The following PHF2 variants were observed in gnomAD, a reference collection of about 807,000 sequenced individuals.
PHF2 encodes lysine-specific demethylase PHF2.
PHF2 carries 27 observed loss-of-function variants against 120.5 expected under a neutral mutation model. That is an observed-to-expected ratio of 0.22 (90% CI 0.17 to 0.31). The LOEUF (loss-of-function observed/expected upper bound fraction) is 0.31. Among genes scored for constraint, PHF2 ranks in the 10% least tolerant of loss-of-function variants. The probability of loss-of-function intolerance (pLI) is 1.00; values close to 1 mark genes in which losing one functional copy is unlikely to be tolerated. For synonymous variants in PHF2, 568 were observed against 592.5 expected (o/e 0.96, Z 0.60); for missense variants, 1,024 against 1,434.8 (o/e 0.71, Z 4.63).
At chr9:93,600,166 TTG>T (rs1227778429) in intron 1 of PHF2, among the ~76,000 whole-genome samples, 1 of 151,788 alleles carries the variant, frequency 6.6e-6, no homozygotes, top group Non-Finnish European at 1.5e-5. Context: ...TGTGTGCAGT[TTG>T]TGTGCTGTGT....
chr9:93,651,521 G>A (rs904575108), intron 5 of PHF2, among the ~76,000 whole-genome samples: 7 of 152,164 alleles, frequency 4.6e-5, no homozygotes, highest in Non-Finnish European at 1.0e-4. Context: ...CCCCAAGGAT[G>A]TTGGCCAAGC....
intron 17 of PHF2, among the ~76,000 whole-genome samples, chr9:93,669,227 G>A (rs528361266): frequency 1.3e-5 from 2 of 152,314 alleles, no homozygotes; most frequent in South Asian, 2.1e-4. Context: ...GCAGGCCCCC[G>A]CCCTCCAGTC....
chr9:93,606,160 G>C (rs1265916312), intron 1 of PHF2, among the ~76,000 whole-genome samples: 2 of 151,996 alleles, frequency 1.3e-5, no homozygotes, highest in African/African-American at 4.8e-5. Flanking sequence ...TGTAGAGATG[G>C]GGTTTTGCCA....
intron 11 of PHF2, 96 bp downstream of exon 11, chr9:93,659,696 G>T: frequency 1.7e-6 from 2 of 1,160,488 alleles, no homozygotes; most frequent in Non-Finnish European, 2.5e-6. Flanking sequence ...ACACAGAGCT[G>T]CCAGGTCTGG....
chr9:93,655,488 A>C (rs1247839310), intron 7 of PHF2, among the ~76,000 whole-genome samples: 2 of 152,158 alleles, frequency 1.3e-5, no homozygotes, highest in Non-Finnish European at 2.9e-5. Flanking sequence ...CCCAGCTGCG[A>C]TGCAGCTGCC....
At chr9:93,593,593 A>G (rs958632486) in intron 1 of PHF2, among the ~76,000 whole-genome samples, 1 of 152,266 alleles carries the variant, frequency 6.6e-6, no homozygotes, top group Non-Finnish European at 1.5e-5. Flanking sequence ...TAACAAATTT[A>G]AAAGTATATA....
Position 93,602,247 on chromosome 9 carries a change from C to CTTTTTTT in PHF2, c.98+25393_98+25399dup, listed in dbSNP as rs67001312. Reference sequence around the variant, plus strand: ...AAGTCATTTTGCATTCCTAGAGATTCTTTTTTTTTTTTTTTTTTTTTTTGA... The same window carrying CTTTTTTT: ...AAGTCATTTTGCATTCCTAGAGATTCTTTTTTTTTTTTTTTTTTTTTTTTTTTTTTGA... On this transcript the variant is annotated intron_variant, in intron 1 of 21. Coordinates refer to ENST00000359246, the MANE Select transcript of PHF2 (RefSeq NM_005392.4). Among the ~76,000 whole-genome samples, 254 of 79,670 alleles carry CTTTTTTT rather than the reference C, an allele frequency of 3.2e-3. 17 individuals are homozygous for CTTTTTTT. The highest frequency in any genetic ancestry group is 4.1e-3 in the Non-Finnish European group (186 of 45,056). The allele number at this position is 79,670 out of a possible 152,430, so 52.3% of individuals were successfully genotyped here. A position where few individuals can be genotyped will look rare whatever the true frequency, so the allele number is the denominator to read the frequency against.
intron 1 of PHF2, among the ~76,000 whole-genome samples, chr9:93,589,961 T>A (rs10992792): frequency 0.26 from 38,844 of 152,184 alleles, 6,381 homozygotes; most frequent in Non-Finnish European, 0.36. Context: ...CTGCTTCCCC[T>A]GGTTGGCATG....
chr9:93,636,330 G>A, intron 2 of PHF2, 81 bp from the exon 3 acceptor site: 2 of 1,087,614 alleles, frequency 1.8e-6, no homozygotes, highest in East Asian at 2.6e-5. Flanking sequence ...AGGCTGGGTG[G>A]GCCAAGGTTC....
chr9:93,603,520 G>C (rs1178302710), intron 1 of PHF2, among the ~76,000 whole-genome samples: 1 of 152,136 alleles, frequency 6.6e-6, no homozygotes, highest in Non-Finnish European at 1.5e-5. Flanking sequence ...CTCACCTTGG[G>C]ACCTACAGCT....
At chr9:93,606,650 T>C (rs1825548122) in intron 1 of PHF2, among the ~76,000 whole-genome samples, 1 of 152,232 alleles carries the variant, frequency 6.6e-6, no homozygotes, top group Non-Finnish European at 1.5e-5. Context: ...CTGTGGCTTG[T>C]CTTTTTTACT....
rs1587726801 is a variant in PHF2, at chr9:93,677,808, A to G, written c.*132A>G. On this transcript the variant is annotated 3_prime_UTR_variant, in exon 22 of 22. Coordinates refer to ENST00000359246, the MANE Select transcript of PHF2 (RefSeq NM_005392.4). The surrounding 1 kb of genome is among the most constrained non-coding windows in gnomAD (Gnocchi z 4.4). ...CCTCTTCCCGGCTGCCATCTCCCCA[A>G]CAAGCGTCTGTCCCTTCAGCCGGCA... 6.1e-6 allele frequency: 4 copies of G among 659,400 alleles called. No homozygotes were observed. Among genetic ancestry groups the G allele is most frequent in the Non-Finnish European group, 1.1e-5 (4 of 370,904 alleles). 40.8% of individuals were successfully genotyped at this position (659,400 alleles called of 1,614,324 possible). A position where few individuals can be genotyped will look rare whatever the true frequency, so the allele number is the denominator to read the frequency against.
At position 93,649,226 on chromosome 9, in the gene PHF2, C is replaced by T. The variant is rs1186022988; in HGVS notation, c.602+14C>T. 3.2e-5 allele frequency: 49 copies of T among 1,550,216 alleles called. No individual in the cohort carries two copies. Among genetic ancestry groups the T allele is most frequent in the Non-Finnish European group, 4.3e-5 (49 of 1,146,508 alleles). On this transcript the variant is annotated intron_variant, in intron 5 of 21. Transcript: ENST00000359246. Reference sequence around the variant, plus strand: ...CTCTGACACCCGGTGAGTGCTACCACCCTGGGGGTGTGGGGGCTGGGGTTG... The same window carrying T: ...CTCTGACACCCGGTGAGTGCTACCATCCTGGGGGTGTGGGGGCTGGGGTTG...
chr9:93,636,935 G>A (rs995210638), intron 3 of PHF2, among the ~76,000 whole-genome samples: 2 of 152,160 alleles, frequency 1.3e-5, no homozygotes, highest in Non-Finnish European at 2.9e-5. Flanking sequence ...GAGACCCCCA[G>A]TGCCCACACT....
intron 1 of PHF2, among the ~76,000 whole-genome samples, chr9:93,608,398 G>GTTTT (rs35097935): frequency 4.2e-5 from 6 of 142,684 alleles, no homozygotes; most frequent in Admixed American, 7.0e-5. Flanking sequence ...TTGATTGGTA[G>GTTTT]TTTTTTTTTT....
In PHF2 at chr9:93,603,588, C is replaced by T. The variant is rs187155807; in HGVS notation, c.99-26382C>T. Reference sequence around the variant, plus strand: ...AGTCCAGTTGTGGAACATTCACCCACGATGCAGACCTTATGGGGCCTGGGA... The same window carrying T: ...AGTCCAGTTGTGGAACATTCACCCATGATGCAGACCTTATGGGGCCTGGGA... On this transcript the variant is annotated intron_variant, in intron 1 of 21. Coordinates refer to ENST00000359246, the MANE Select transcript of PHF2 (RefSeq NM_005392.4). Among the ~76,000 whole-genome samples, 365 of 152,250 alleles carry T rather than the reference C, an allele frequency of 2.4e-3. 2 individuals carry two copies. Among genetic ancestry groups the T allele is most frequent in the African/African-American group, 8.4e-3 (348 of 41,542 alleles).
chr9:93,585,762 A>AT (rs1213180783), intron 1 of PHF2, among the ~76,000 whole-genome samples: 2 of 152,140 alleles, frequency 1.3e-5, no homozygotes, highest in African/African-American at 4.8e-5. Flanking sequence ...TAGCTTTGTG[A>AT]TTTTGTCCCT....
At chr9:93,660,696 G>A in intron 12 of PHF2, 136 bp downstream of exon 12, 3 of 802,450 alleles carry the variant, frequency 3.7e-6, no homozygotes, top group Non-Finnish European at 5.6e-6. Flanking sequence ...TGGGGGTCTG[G>A]GCTCTTGCTG....
intron 1 of PHF2, among the ~76,000 whole-genome samples, chr9:93,612,838 G>A (rs1047519500): frequency 2.0e-5 from 3 of 152,234 alleles, no homozygotes; most frequent in Admixed American, 2.0e-4. Flanking sequence ...CAGTGTCTCT[G>A]TGGGGTTGTG....
Sources: allele counts gnomAD v4.1 joint callset (sites outside exome capture counted in the v4.1 genomes callset), GRCh38; gene constraint gnomAD v4.1.1; non-coding constraint Gnocchi (gnomAD v3.1); transcripts MANE v1.5; gene names NCBI Gene and HGNC (gene_info 2026-07-23, HGNC 2026-07-21).